The following RGL1 variants were observed in gnomAD, a reference collection of about 807,000 sequenced individuals.
RGL1 encodes ral guanine nucleotide dissociation stimulator like 1, also known as ral guanine nucleotide dissociation stimulator-like 1.
A neutral mutation model predicts 95.2 loss-of-function variants in RGL1; 24 were observed. The ratio of observed to expected loss-of-function variants is 0.25; its 90% CI spans 0.18 to 0.35. The LOEUF (loss-of-function observed/expected upper bound fraction) is 0.35, where lower values mean the gene tolerates loss of function less well. Among genes scored for constraint, RGL1 ranks in the 10% least tolerant of loss-of-function variants. The probability of loss-of-function intolerance (pLI) is 1.00; values close to 1 mark genes in which losing one functional copy is unlikely to be tolerated. For synonymous variants in RGL1, 329 were observed against 344.9 expected, an observed-to-expected ratio of 0.95 and a Z score of 0.51; for missense variants, 715 against 936.3, an observed-to-expected ratio of 0.76 and a Z score of 3.08.
chr1:183,917,696 G>C (rs1347118659), intron 16 of RGL1, among the ~76,000 whole-genome samples: 1 of 152,172 alleles, frequency 6.6e-6, no homozygotes, highest in African/African-American at 2.4e-5. Context: ...TGCCTTTGAG[G>C]AACTTTTAAT....
intron 1 of RGL1, among the ~76,000 whole-genome samples, chr1:183,740,379 C>T (rs1338248667): frequency 6.6e-6 from 1 of 152,190 alleles, no homozygotes. Context: ...CTGCTCTCTG[C>T]AAGTAGATGG....
Position 183,805,232 on chromosome 1 carries a change from G to C in RGL1, c.-66G>C. The C allele has an allele frequency of 6.3e-7, 1 of 1,596,894 alleles. No homozygotes were observed. Among genetic ancestry groups the C allele is most frequent in the Non-Finnish European group, 8.5e-7 (1 of 1,172,330 alleles). ...AGGCGCCGCGGGGCTGAGCCCAGCA[G>C]ACATTGCGTTGGCCTCCGAGCAGGG... is the stretch of plus-strand genomic sequence containing the variant. On this transcript the variant is annotated 5_prime_UTR_variant, in exon 1 of 18. Coordinates refer to ENST00000360851, the MANE Select transcript of RGL1 (RefSeq NM_001297671.3).
intron 2 of RGL1, chr1:183,742,307 G>A (rs1657361454): frequency 6.2e-7 from 1 of 1,613,734 alleles, no homozygotes; most frequent in South Asian, 1.1e-5. Context: ...GACTCTAAAT[G>A]ACACAGTTGG....
intron 12 of RGL1, among the ~76,000 whole-genome samples, chr1:183,903,692 A>C (rs1466613847): frequency 6.6e-6 from 1 of 152,232 alleles, no homozygotes; most frequent in Non-Finnish European, 1.5e-5. Context: ...GAGCAGAAGT[A>C]GTGGGTGTTA....
rs34992555 is a variant in RGL1, at chr1:183,779,158, CCCTTCCTTCCTTCCTTCCTTCCTTCCTT to C, written c.133-27174_133-27147del. ...GAGCATTGCAAAATTTCAAAATTTT[CCCTTCCTTCCTTCCTTCCTTCCTTCCTT>C]CCTTCCTTCCTTCCTTCCTTCCTTC... On this transcript the variant is annotated intron_variant, in intron 2 of 18. Transcript: ENST00000304685. 5.5e-3 allele frequency among the ~76,000 whole-genome samples: 506 copies of C among 91,852 alleles called. 4 individuals carry two copies. The highest frequency in any genetic ancestry group is 0.02 in the African/African-American group (472 of 23,496). The allele number at this position is 91,852 out of a possible 152,430, so 60.3% of individuals were successfully genotyped here.
chr1:183,888,604 T>G (rs539947566), intron 8 of RGL1, 27 bp downstream of exon 8: 21 of 1,445,936 alleles, frequency 1.5e-5, no homozygotes, highest in Non-Finnish European at 1.9e-5. Context: ...TTGCTCTGCT[T>G]TTCTTTGGCC....
chr1:183,769,481 T>C lies in RGL1; in HGVS notation c.132+27192T>C, dbSNP rs1019537013. ...TTATTAAAGATTTACATAAGTCACA[T>C]GAACTTGAAACATGCTTGGATAGAT... is the stretch of plus-strand genomic sequence containing the variant. On this transcript the variant is annotated intron_variant, in intron 2 of 18. Transcript: ENST00000304685. Among the ~76,000 whole-genome samples the C allele has an allele frequency of 5.9e-5, 9 of 152,378 alleles. No homozygotes were observed. In the East Asian group the frequency reaches 1.7e-3, roughly 29 times the overall value.
intron 2 of RGL1, among the ~76,000 whole-genome samples, chr1:183,824,395 T>C (rs1462389453): frequency 6.6e-6 from 1 of 152,208 alleles, no homozygotes; most frequent in Non-Finnish European, 1.5e-5. Context: ...ACCTTCTCTA[T>C]CTTGGGCTTT....
intron 2 of RGL1, among the ~76,000 whole-genome samples, chr1:183,842,565 C>T (rs1572489209): frequency 6.6e-6 from 1 of 152,220 alleles, no homozygotes; most frequent in East Asian, 1.9e-4. Context: ...GACATGTTCT[C>T]TTAGAAAAAG....
chr1:183,891,616 C>T (rs796154151), intron 8 of RGL1, among the ~76,000 whole-genome samples: 6 of 152,232 alleles, frequency 3.9e-5, no homozygotes, highest in African/African-American at 1.4e-4. Flanking sequence ...ATACCTACAA[C>T]CCTCAGCAGT....
chr1:183,713,822 C>T (rs984911086), intron 1 of RGL1, among the ~76,000 whole-genome samples: 34 of 152,080 alleles, frequency 2.2e-4, no homozygotes, highest in Non-Finnish European at 1.9e-4. Flanking sequence ...ACTAAGATAC[C>T]ATGAATCTAG....
chr1:183,924,952 G>A (rs1669532213), intron 17 of RGL1, among the ~76,000 whole-genome samples: 1 of 151,698 alleles, frequency 6.6e-6, no homozygotes, highest in Non-Finnish European at 1.5e-5. Context: ...GGCAACAAGA[G>A]CAAAACTCCA....
At chr1:183,770,555 A>G (rs1659220113) in intron 2 of RGL1, among the ~76,000 whole-genome samples, 1 of 152,186 alleles carries the variant, frequency 6.6e-6, no homozygotes, top group Admixed American at 6.5e-5. Flanking sequence ...GCTTGAGGGG[A>G]GAGGAGACCA....
intron 1 of RGL1, among the ~76,000 whole-genome samples, chr1:183,731,765 AC>A (rs1656642232): frequency 6.6e-6 from 1 of 152,138 alleles, no homozygotes; most frequent in Admixed American, 6.5e-5. Context: ...ATTAATACTT[AC>A]CTCAAAGAGC....
At chr1:183,891,574 TAGTG>T (rs1186506443) in intron 8 of RGL1, among the ~76,000 whole-genome samples, 1 of 152,070 alleles carries the variant, frequency 6.6e-6, no homozygotes, top group African/African-American at 2.4e-5. Context: ...GGAGTAGAAA[TAGTG>T]GCCTGTGAGC....
chr1:183,906,863 CT>C (rs1668359872), intron 13 of RGL1, 148 bp from the exon 14 acceptor site: 1 of 628,384 alleles, frequency 1.6e-6, no homozygotes, highest in Non-Finnish European at 2.9e-6. Flanking sequence ...TCAGTACCCC[CT>C]GACGTTTATG....
chr1:183,714,842 G>T (rs979916441), intron 1 of RGL1, among the ~76,000 whole-genome samples: 1 of 152,164 alleles, frequency 6.6e-6, no homozygotes, highest in African/African-American at 2.4e-5. Context: ...AGTGAGTCTT[G>T]GAGAGTACAT....
chr1:183,713,517 G>A (rs1262156096), intron 1 of RGL1, among the ~76,000 whole-genome samples: 5 of 151,752 alleles, frequency 3.3e-5, no homozygotes, highest in African/African-American at 9.7e-5. Flanking sequence ...CTTTCTCAAT[G>A]CGATGGCATT....
chr1:183,648,618 G>A, intron 1 of RGL1: 1 of 1,614,174 alleles, frequency 6.2e-7, no homozygotes. Context: ...TGTCCCATAA[G>A]GGAATCCAAA....
Sources: allele counts gnomAD v4.1 joint callset (sites outside exome capture counted in the v4.1 genomes callset), GRCh38; gene constraint gnomAD v4.1.1; transcripts MANE v1.5; gene names NCBI Gene and HGNC (gene_info 2026-07-23, HGNC 2026-07-21).